The following AMN variants were observed in gnomAD, a reference collection of about 807,000 sequenced individuals.
AMN encodes protein amnionless.
In AMN, 40 loss-of-function variants were observed where a neutral mutation model predicts 49.1. That is an observed-to-expected ratio of 0.81 (90% CI 0.63 to 1.06). AMN has a LOEUF of 1.06. AMN is among the 50% of genes least tolerant of loss of function. The pLI is 0.00. For missense variants in AMN, 701 were observed against 662.8 expected (o/e 1.06, Z -0.63); for synonymous variants, 380 against 313.3 (o/e 1.21, Z -2.25).
intron 4 of AMN, 119 bp downstream of exon 4, chr14:102,928,632 A>AGTGTCCCGG: frequency 1.3e-6 from 2 of 1,493,132 alleles, no homozygotes; most frequent in Non-Finnish European, 1.8e-6. Context: ...GGCGTGGTTT[A>AGTGTCCCGG]GGGAGTGGCG....
At chr14:102,924,019 CAG>C (rs1891132001) in intron 3 of AMN, 40 bp downstream of exon 3, 2 of 1,613,094 alleles carry the variant, frequency 1.2e-6, no homozygotes, top group Admixed American at 1.7e-5. Flanking sequence ...TGGGGGTTCA[CAG>C]AGTCTCTGAA....
Position 102,922,734 on chromosome 14 carries a change from G to A in AMN, c.43+3G>A. 1 of 1,586,630 alleles carries A rather than the reference G, an allele frequency of 6.3e-7. No individual in the cohort carries two copies. Among genetic ancestry groups the A allele is most frequent in the Non-Finnish European group, 8.5e-7 (1 of 1,170,480 alleles). On this transcript the variant is annotated splice_donor_region_variant and intron_variant, in intron 1 of 11. Transcript: ENST00000299155. ...CCTGCTGTGGCTGCAGCTCTGCGGTGAGCCGGGACCACACCGGTGCGGGCC... is the reference window on the plus strand; with the variant it reads ...CCTGCTGTGGCTGCAGCTCTGCGGTAAGCCGGGACCACACCGGTGCGGGCC...
chr14:102,929,527 G>A lies in AMN; in HGVS notation c.751G>A (p.Asp251Asn). ...CCTCCGGCCCCAGGGGCAGTGCTGT[G>A]ACCTCTGTGGTAAGCGCCCCCGCCG... ...SALRPQGQCC[D>N]LCGAVVLLTH... The change falls in exon 7 of 12, where the codon GAC (aspartate) becomes AAC (asparagine). Residue 251 changes from aspartate to asparagine, a missense_variant. Transcript: ENST00000299155. 1.3e-6 allele frequency: 2 copies of A among 1,537,712 alleles called. No individual in the cohort carries two copies. Among genetic ancestry groups the A allele is most frequent in the Non-Finnish European group, 1.7e-6 (2 of 1,146,442 alleles).
chr14:102,923,254 T>C (rs538315477), intron 1 of AMN: 2 of 272,730 alleles, frequency 7.3e-6, no homozygotes, highest in Admixed American at 1.0e-4. Context: ...CCCCAGCCCC[T>C]TCTTACTTCT....
intron 8 of AMN, 62 bp from the exon 9 acceptor site, chr14:102,929,862 C>T: frequency 6.5e-7 from 1 of 1,547,538 alleles, no homozygotes; most frequent in Non-Finnish European, 8.7e-7. Context: ...CTGCCCTTAG[C>T]GTCCCCATAG....
chr14:102,924,625 G>T (rs1291510015), intron 3 of AMN, among the ~76,000 whole-genome samples: 3 of 152,216 alleles, frequency 2.0e-5, no homozygotes, highest in Non-Finnish European at 4.4e-5. Flanking sequence ...TGCCAAAAAG[G>T]TTGGGGACTG....
rs1311731489 is a variant in AMN, at chr14:102,929,825, G to A, written c.843+88G>A. 1.9e-6 allele frequency: 3 copies of A among 1,541,544 alleles called. No individual in the cohort carries two copies. The African/African-American group carries it at 4.1e-5, about 21-fold the overall frequency. The stretch of plus-strand genomic sequence containing the variant: ...GACGCCCCTTCTGCAGGGTCCCTGC[G>A]GCTGCTCACTTGCCCACTATCTGCC... On this transcript the variant is annotated intron_variant, in intron 8 of 11. Coordinates refer to ENST00000299155, the MANE Select transcript of AMN (RefSeq NM_030943.4).
Position 102,930,388 on chromosome 14 carries a change from T to C in AMN, c.1170-18T>C. The C allele has an allele frequency of 6.7e-7, 1 of 1,503,150 alleles. No individual in the cohort carries two copies. The highest frequency in any genetic ancestry group is 8.8e-7 in the Non-Finnish European group (1 of 1,132,388). 93.1% of individuals were successfully genotyped at this position (1,503,150 alleles called of 1,614,324 possible). On this transcript the variant is annotated intron_variant, in intron 10 of 11. Coordinates refer to ENST00000299155, the MANE Select transcript of AMN (RefSeq NM_030943.4). ...GTTGCTCCGAGGGGCTCACGCTGCGTCCCCGCTACGCCCTCAGGTGGAGGA... is the reference window on the plus strand; with the variant it reads ...GTTGCTCCGAGGGGCTCACGCTGCGCCCCCGCTACGCCCTCAGGTGGAGGA...
chr14:102,928,558 G>T (rs778404736), intron 4 of AMN, 45 bp downstream of exon 4: 1 of 1,571,358 alleles, frequency 6.4e-7, no homozygotes. Context: ...GGCATGTTCA[G>T]GGGCGGGGAC....
At position 102,929,418 on chromosome 14, in the gene AMN, CT is replaced by C; in HGVS notation, c.652-9del. ...TGGCCCTCCGCGCTGACCACCGCCCCTCGCACCAGGCGCAGCCGTGGATCTG... is the reference window on the plus strand; with the variant it reads ...TGGCCCTCCGCGCTGACCACCGCCCCCGCACCAGGCGCAGCCGTGGATCTG... On this transcript the variant is annotated splice_polypyrimidine_tract_variant and intron_variant, in intron 6 of 11. Coordinates refer to ENST00000299155, the MANE Select transcript of AMN (RefSeq NM_030943.4). The C allele has an allele frequency of 6.5e-7, 1 of 1,530,150 alleles. No homozygotes were observed. Among genetic ancestry groups the C allele is most frequent in the Non-Finnish European group, 8.7e-7 (1 of 1,144,956 alleles). 94.8% of individuals were successfully genotyped at this position (1,530,150 alleles called of 1,614,324 possible).
intron 1 of AMN, 48 bp from the exon 2 acceptor site, chr14:102,923,663 G>C (rs753562077): frequency 7.8e-6 from 12 of 1,536,504 alleles, no homozygotes; most frequent in Non-Finnish European, 1.1e-5. Flanking sequence ...TCCCTGAGAA[G>C]GGAGCATCCC....
chr14:102,928,812 T>G lies in AMN; in HGVS notation c.350T>G (p.Leu117Arg). ...SDRFSWHDPH[L>R]WRSGDEAPGL... ...CGCTTCTCCTGGCATGACCCGCACC[T>G]GTGGCGCTCTGGGGACGAGGCACCT... Residue 117 changes from leucine to arginine, a missense_variant, in exon 5 of 12, where the codon CTG becomes CGG. Leu to Arg is a moderately radical substitution (Grantham distance 102). Coordinates refer to ENST00000299155, the MANE Select transcript of AMN (RefSeq NM_030943.4). 2 of 1,607,800 alleles carry G rather than the reference T, an allele frequency of 1.2e-6. No individual in the cohort carries two copies. The highest frequency in any genetic ancestry group is 8.5e-7 in the Non-Finnish European group (1 of 1,179,842).
intron 3 of AMN, among the ~76,000 whole-genome samples, chr14:102,926,172 C>G (rs1891182471): frequency 6.6e-6 from 1 of 152,208 alleles, no homozygotes; most frequent in African/African-American, 2.4e-5. Flanking sequence ...TGCAAAACGC[C>G]TTACCTTAGA....
In AMN at chr14:102,929,796, C is replaced by T. The variant is rs1275888454; in HGVS notation, c.843+59C>T. 1.2e-5 allele frequency: 19 copies of T among 1,544,216 alleles called. 1 individual carries two copies. The Admixed American group carries it at 3.5e-4, about 29-fold the overall frequency. On this transcript the variant is annotated intron_variant, in intron 8 of 11. Transcript: ENST00000299155. ...CCGACCCCAGCCCTACCGCCTCCGCCTAGGACGCCCCTTCTGCAGGGTCCC... is the reference window on the plus strand; with the variant it reads ...CCGACCCCAGCCCTACCGCCTCCGCTTAGGACGCCCCTTCTGCAGGGTCCC...
rs766026073 is a variant in AMN, at chr14:102,930,643, T to C, written c.1325T>C (p.Val442Ala). 3 of 1,597,450 alleles carry C rather than the reference T, an allele frequency of 1.9e-6. No individual in the cohort carries two copies. The highest frequency in any genetic ancestry group is 2.6e-6 in the Non-Finnish European group (3 of 1,173,216). The change falls in exon 12 of 12, where the codon GTC becomes GCC. Residue 442 changes from valine (V) to alanine (A), a missense_variant. Physicochemically the swap from Val to Ala is moderately conservative, Grantham distance 64. Transcript: ENST00000299155. ...AADSTSHSYF[V>A]NPLFAGAEAE... ...GACAGCACCAGCCACAGTTACTTCG[T>C]CAACCCTCTGTTCGCCGGGGCCGAG...
chr14:102,923,895 G>C lies in AMN; in HGVS notation c.163-40G>C, dbSNP rs77888366. The C allele has an allele frequency of 1.0e-3, 1,636 of 1,613,058 alleles. 15 individuals carry two copies. In the African/African-American group the frequency reaches 0.02, roughly 20 times the overall value. On this transcript the variant is annotated intron_variant, in intron 2 of 11. Coordinates refer to ENST00000299155, the MANE Select transcript of AMN (RefSeq NM_030943.4). ...CCCTGAGACCGTGTGGCCCCGGTGG[G>C]GGTTGCTCCCGGCTCGGCTGAGGCA... is the stretch of plus-strand genomic sequence containing the variant.
At chr14:102,930,125 C>A (rs1891304159) in intron 9 of AMN, 39 bp downstream of exon 9, 2 of 1,501,628 alleles carry the variant, frequency 1.3e-6, no homozygotes, top group Non-Finnish European at 8.8e-7. Context: ...CCGCGCCTCG[C>A]CCCGCCGCGG....
Position 102,930,262 on chromosome 14 carries a change from C to A in AMN, c.1104C>A (p.Ala368=). 7.2e-7 allele frequency: 1 copy of A among 1,381,358 alleles called. No homozygotes were observed. Among genetic ancestry groups the A allele is most frequent in the Non-Finnish European group, 9.3e-7 (1 of 1,070,396 alleles). 85.6% of individuals were successfully genotyped at this position (1,381,358 alleles called of 1,614,324 possible). ...GGCTGGCGGGCGGCGTGGCGGCTGC[C>A]GTGCTGCTGGCGCTGCTGGTCCTGC... ...AAGLAGGVAA[A]VLLALLVLLV... is the part of the protein sequence containing the mutation. The change falls in exon 10 of 12, where the codon GCC becomes GCA. Residue 368 remains alanine, a synonymous_variant. Transcript: ENST00000299155.
Position 102,922,826 on chromosome 14 carries a change from C to G in AMN, c.43+95C>G. ...CTAGGCCTGGAGGGTGAAGATCTTCCGAGGAGTGGGCAGGGAGGGCTTTGG... is the reference window on the plus strand; with the variant it reads ...CTAGGCCTGGAGGGTGAAGATCTTCGGAGGAGTGGGCAGGGAGGGCTTTGG... On this transcript the variant is annotated intron_variant, in intron 1 of 11. Transcript: ENST00000299155. The G allele has an allele frequency of 6.1e-6, 9 of 1,483,248 alleles. No individual in the cohort carries two copies. In the South Asian group the frequency reaches 9.8e-5, roughly 16 times the overall value. The allele number at this position is 1,483,248 out of a possible 1,614,324, so 91.9% of individuals were successfully genotyped here.
Sources: gnomAD v4.1 joint callset for allele counts (sites outside exome capture counted in the v4.1 genomes callset) on GRCh38, gnomAD v4.1.1 for gene constraint, MANE v1.5 for transcripts, NCBI Gene and HGNC (gene_info 2026-07-23, HGNC 2026-07-21) for gene names.